TTLL1: variants seen among roughly 807,000 people sequenced by gnomAD.
TTLL1 encodes the protein polyglutamylase complex subunit TTLL1.
In TTLL1, 33 loss-of-function variants were observed where a neutral mutation model predicts 47.8. That is an observed-to-expected ratio of 0.69 (90% CI 0.52 to 0.92). The LOEUF is 0.92. Ranked by LOEUF, TTLL1 falls within the 40% of genes least tolerant of loss-of-function variation. The pLI, the probability that TTLL1 is intolerant of heterozygous loss-of-function variation, is 0.00. For missense variants in TTLL1, 488 were observed against 547.5 expected, an observed-to-expected ratio of 0.89 and a Z score of 1.08; for synonymous variants, 225 against 214.1, an observed-to-expected ratio of 1.05 and a Z score of -0.45.
At chr22:43,064,533 T>TG (rs1927604850) in intron 5 of TTLL1, among the ~76,000 whole-genome samples, 1 of 151,774 alleles carries the variant, frequency 6.6e-6, no homozygotes, top group African/African-American at 2.4e-5. Flanking sequence ...AAGACGAGCC[T>TG]GGTCAACACG....
In TTLL1 at chr22:43,054,459, TTGTTGCCC is replaced by T. The variant is rs1224152456; in HGVS notation, c.892-2580_892-2573del. Among the ~76,000 whole-genome samples the T allele has an allele frequency of 8.6e-5, 13 of 151,570 alleles. No individual in the cohort carries two copies. In the East Asian group the frequency reaches 2.5e-3, roughly 29 times the overall value. ...TTTTTTTTGAGATGGAGTTTTGCTC[TTGTTGCCC>T]AGGCTGGAGTACAATGGCACGGTCT... On this transcript the variant is annotated intron_variant, in intron 8 of 10. Transcript: ENST00000266254.
chr22:43,069,535 C>A, intron 4 of TTLL1, 101 bp downstream of exon 4: 3 of 1,558,900 alleles, frequency 1.9e-6, no homozygotes, highest in Non-Finnish European at 2.6e-6. Context: ...CATGGACATG[C>A]TCACGCATCA....
intron 2 of TTLL1, among the ~76,000 whole-genome samples, chr22:43,079,530 C>T (rs890097923): frequency 2.0e-5 from 3 of 152,228 alleles, no homozygotes; most frequent in Admixed American, 6.5e-5. Context: ...ATCCTGCTTG[C>T]GGCCTGGGGA....
chr22:43,061,675 C>G (rs1047855307), intron 7 of TTLL1, among the ~76,000 whole-genome samples: 2 of 152,190 alleles, frequency 1.3e-5, no homozygotes, highest in African/African-American at 4.8e-5. Flanking sequence ...CCACAAAGCC[C>G]TGTGTGTCTG....
intron 3 of TTLL1, among the ~76,000 whole-genome samples, chr22:43,070,435 G>A (rs10854758): frequency 0.041 from 6,267 of 152,100 alleles, 416 homozygotes; most frequent in East Asian, 0.28. Context: ...GCAGGGAAGG[G>A]GTACGGAGGA....
Position 43,039,684 on chromosome 22 carries a change from A to G in TTLL1, c.*92T>C. ...TTCGTTTATTTACAGGGCTTAGGAA[A>G]GGAAAAAAGCTCTACAAAAGGGAAA... is the stretch of plus-strand genomic sequence containing the variant. On this transcript the variant is annotated 3_prime_UTR_variant, in exon 11 of 11. Transcript: ENST00000266254. 2 of 1,450,232 alleles carry G rather than the reference A, an allele frequency of 1.4e-6. No homozygotes were observed. Among genetic ancestry groups the G allele is most frequent in the South Asian group, 3.0e-5 (2 of 65,988 alleles). The allele number at this position is 1,450,232 out of a possible 1,614,324, so 89.8% of individuals were successfully genotyped here.
At chr22:43,073,830 T>C (rs957981898) in intron 3 of TTLL1, among the ~76,000 whole-genome samples, 4 of 149,042 alleles carry the variant, frequency 2.7e-5, no homozygotes, top group African/African-American at 5.0e-5. Context: ...TATTTATTTA[T>C]TTATTTTTTT....
intron 3 of TTLL1, among the ~76,000 whole-genome samples, chr22:43,070,660 CAGA>C (rs771753456): frequency 1.3e-5 from 2 of 152,122 alleles, no homozygotes; most frequent in Admixed American, 6.6e-5. Flanking sequence ...CCATCACACT[CAGA>C]AGGAGAGAGA....
intron 9 of TTLL1, among the ~76,000 whole-genome samples, chr22:43,048,322 AAAAG>A (rs947169599): frequency 7.3e-5 from 11 of 151,444 alleles, no homozygotes; most frequent in African/African-American, 1.7e-4. Context: ...GTCTCAAAAA[AAAAG>A]AAAGAAAAAA....
chr22:43,061,116 G>T (rs1601677370), intron 7 of TTLL1, among the ~76,000 whole-genome samples: 1 of 152,270 alleles, frequency 6.6e-6, no homozygotes, highest in South Asian at 2.1e-4. Flanking sequence ...CTTGAACCCG[G>T]AAGGCAGAGG....
chr22:43,058,110 AT>A (rs1436192656), intron 8 of TTLL1, among the ~76,000 whole-genome samples: 1 of 151,528 alleles, frequency 6.6e-6, no homozygotes, highest in African/African-American at 2.4e-5. Context: ...CGCCCGGCAA[AT>A]TTTTTTGTAG....
intron 7 of TTLL1, among the ~76,000 whole-genome samples, chr22:43,063,462 CT>C (rs34847416): frequency 0.17 from 24,044 of 139,552 alleles, 2,476 homozygotes; most frequent in East Asian, 0.38. Flanking sequence ...AAAGTCGGTC[CT>C]TTTTTTTTTT....
chr22:43,065,547 C>T (rs1284328188), intron 5 of TTLL1, among the ~76,000 whole-genome samples: 1 of 151,930 alleles, frequency 6.6e-6, no homozygotes, highest in Non-Finnish European at 1.5e-5. Context: ...GCCTTGGCCT[C>T]CCAAAGTGCT....
In TTLL1 at chr22:43,078,825, C is replaced by T. The variant is rs375610310; in HGVS notation, c.-5+1077G>A. Among the ~76,000 whole-genome samples the T allele has an allele frequency of 5.3e-5, 8 of 151,970 alleles. No homozygotes were observed. In the East Asian group the frequency reaches 1.5e-3, roughly 29 times the overall value. ...CAATAAAAGCACAGGAGCCGCACCC[C>T]AGAGCGTGAGCCCATCCCACACCCC... On this transcript the variant is annotated intron_variant, in intron 2 of 10. Transcript: ENST00000266254.
chr22:43,086,722 G>T (rs1929252269), intron 1 of TTLL1, among the ~76,000 whole-genome samples: 1 of 152,098 alleles, frequency 6.6e-6, no homozygotes, highest in African/African-American at 2.4e-5. Context: ...CTCCACTCCA[G>T]AAGATTCCAA....
chr22:43,068,507 T>C lies in TTLL1; in HGVS notation c.406A>G (p.Ile136Val). Residue 136 changes from isoleucine to valine, a missense_variant, in exon 5 of 11, where the codon ATC (isoleucine) becomes GTC (valine). By Grantham distance (29) the Ile-to-Val change is conservative. Transcript: ENST00000266254. ...TGGGCCTTGCCACAAGGCTTCATGA[T>C]CCAGGTGCTGGACGGGCTCTTCCGG... ...EFRKSPSSTW[I>V]MKPCGKAQGK... The C allele has an allele frequency of 6.3e-7, 1 of 1,577,422 alleles. No individual in the cohort carries two copies. Among genetic ancestry groups the C allele is most frequent in the Non-Finnish European group, 8.7e-7 (1 of 1,153,242 alleles).
At position 43,063,856 on chromosome 22, in the gene TTLL1, T is replaced by A; in HGVS notation, c.704A>T (p.Asn235Ile). The change falls in exon 7 of 11, where the codon AAC becomes ATC. Residue 235 changes from asparagine (N) to isoleucine (I), a missense_variant. Coordinates refer to ENST00000266254, the MANE Select transcript of TTLL1 (RefSeq NM_012263.5). ...GACGTTGGTGAGATGAACGAACATG[T>A]TGTCCAGCTCACTGGTACTCGGGGT... ...KYTPSTSELD[N>I]MFVHLTNVAI... 6.2e-7 allele frequency: 1 copy of A among 1,614,096 alleles called. No homozygotes were observed. Among genetic ancestry groups the A allele is most frequent in the South Asian group, 1.1e-5 (1 of 91,084 alleles).
intron 1 of TTLL1, among the ~76,000 whole-genome samples, chr22:43,083,910 G>A (rs1929060301): frequency 6.6e-6 from 1 of 152,130 alleles, no homozygotes. Context: ...AGCTACAAGT[G>A]TCTTAACAGA....
At chr22:43,043,850 C>G (rs954194636) in intron 10 of TTLL1, among the ~76,000 whole-genome samples, 1 of 151,996 alleles carries the variant, frequency 6.6e-6, no homozygotes, top group African/African-American at 2.4e-5. Context: ...AGGTCACCAC[C>G]CCAGATCCCT....
Sources: allele counts gnomAD v4.1 joint callset (sites outside exome capture counted in the v4.1 genomes callset), GRCh38; gene constraint gnomAD v4.1.1; transcripts MANE v1.5; gene names NCBI Gene and HGNC (gene_info 2026-07-23, HGNC 2026-07-21).